The following TRNAU1AP variants were observed in gnomAD, a reference collection of about 807,000 sequenced individuals.
TRNAU1AP encodes the protein tRNA selenocysteine 1-associated protein 1.
In TRNAU1AP, 33 loss-of-function variants were observed where a neutral mutation model predicts 43.3. The ratio of observed to expected loss-of-function variants is 0.76; its 90% CI spans 0.58 to 1.02. The LOEUF (loss-of-function observed/expected upper bound fraction) is 1.02, where lower values mean the gene tolerates loss of function less well. Among genes scored for constraint, TRNAU1AP ranks in the 50% least tolerant of loss-of-function variants. The probability of loss-of-function intolerance (pLI) is 0.00; values close to 1 mark genes in which losing one functional copy is unlikely to be tolerated. For synonymous variants in TRNAU1AP, 143 were observed against 129.1 expected (o/e 1.11, Z -0.73); for missense variants, 290 against 362.7 (o/e 0.80, Z 1.63).
intron 4 of TRNAU1AP, among the ~76,000 whole-genome samples, chr1:28,563,380 T>C (rs1031053880): frequency 2.0e-5 from 3 of 151,750 alleles, no homozygotes; most frequent in Non-Finnish European, 2.9e-5. Context: ...AAACCCCGTC[T>C]CTACTAAAAA....
chr1:28,571,079 T>G, intron 6 of TRNAU1AP, 97 bp from the exon 7 acceptor site: 2 of 1,219,726 alleles, frequency 1.6e-6, no homozygotes, highest in Admixed American at 2.2e-5. Flanking sequence ...AAAAAAAAAG[T>G]TAATCGGTAT....
intron 2 of TRNAU1AP, among the ~76,000 whole-genome samples, chr1:28,560,423 A>C (rs1311128284): frequency 6.6e-6 from 1 of 152,000 alleles, no homozygotes; most frequent in Non-Finnish European, 1.5e-5. Context: ...CTGGGACTAC[A>C]GGTGTGCGCC....
At chr1:28,555,754 G>C (rs1665245236) in intron 2 of TRNAU1AP, among the ~76,000 whole-genome samples, 1 of 151,876 alleles carries the variant, frequency 6.6e-6, no homozygotes, top group Non-Finnish European at 1.5e-5. Context: ...CTGGTAGATC[G>C]TGCCCACCTA....
chr1:28,562,099 G>A (rs990254842), intron 4 of TRNAU1AP, among the ~76,000 whole-genome samples: 25 of 152,290 alleles, frequency 1.6e-4, no homozygotes, highest in African/African-American at 6.0e-4. Flanking sequence ...GAAACCCAAT[G>A]AATTGACCTG....
At chr1:28,553,589 G>C in intron 1 of TRNAU1AP, 51 bp from the exon 2 acceptor site, 1 of 1,571,808 alleles carries the variant, frequency 6.4e-7, no homozygotes, top group Non-Finnish European at 8.7e-7. Context: ...GGAACCCGGA[G>C]TGGGAAGCCC....
intron 8 of TRNAU1AP, among the ~76,000 whole-genome samples, chr1:28,573,642 G>C (rs1290938769): frequency 1.3e-5 from 2 of 152,056 alleles, no homozygotes; most frequent in Non-Finnish European, 2.9e-5. Flanking sequence ...GCGTGGTGTT[G>C]CGCGCCTATA....
intron 6 of TRNAU1AP, among the ~76,000 whole-genome samples, chr1:28,568,379 G>T (rs1456027262): frequency 6.6e-6 from 1 of 152,064 alleles, no homozygotes; most frequent in African/African-American, 2.4e-5. Flanking sequence ...CCAGGCTCGG[G>T]ATCCTCCCAT....
intron 8 of TRNAU1AP, among the ~76,000 whole-genome samples, chr1:28,573,533 GA>G (rs1665709037): frequency 1.3e-5 from 2 of 151,918 alleles, no homozygotes; most frequent in African/African-American, 2.4e-5. Context: ...AGCACTTTGG[GA>G]AGCCACGGCG....
intron 8 of TRNAU1AP, among the ~76,000 whole-genome samples, chr1:28,572,673 G>A (rs1234801571): frequency 1.3e-5 from 2 of 151,644 alleles, no homozygotes; most frequent in African/African-American, 4.8e-5. Context: ...GGTGGCTCAC[G>A]CCTCTAATCC....
intron 8 of TRNAU1AP, among the ~76,000 whole-genome samples, chr1:28,574,947 C>T (rs1046790416): frequency 1.4e-5 from 2 of 148,012 alleles, no homozygotes; most frequent in African/African-American, 4.9e-5. Context: ...CACAGGAGCT[C>T]CATTTCACAG....
At chr1:28,575,342 A>G (rs1341612210) in intron 8 of TRNAU1AP, among the ~76,000 whole-genome samples, 1 of 151,642 alleles carries the variant, frequency 6.6e-6, no homozygotes, top group Non-Finnish European at 1.5e-5. Flanking sequence ...TTTAGTAAAG[A>G]TGGGGTTTCA....
chr1:28,557,652 A>C (rs1383000449), intron 2 of TRNAU1AP, among the ~76,000 whole-genome samples: 1 of 150,936 alleles, frequency 6.6e-6, no homozygotes, highest in Non-Finnish European at 1.5e-5. Flanking sequence ...GCAGTGGCGC[A>C]ATCTTAGCTC....
intron 2 of TRNAU1AP, among the ~76,000 whole-genome samples, chr1:28,557,216 G>C (rs1278962426): frequency 6.6e-6 from 1 of 151,242 alleles, no homozygotes; most frequent in South Asian, 2.1e-4. Flanking sequence ...TCAGGAGATC[G>C]AGACCATCCT....
chr1:28,567,520 G>T (rs1209267927), intron 6 of TRNAU1AP, 107 bp downstream of exon 6: 3 of 1,342,642 alleles, frequency 2.2e-6, no homozygotes, highest in Non-Finnish European at 3.0e-6. Flanking sequence ...GGCTGAAGGG[G>T]ATCCAATTCA....
chr1:28,572,495 C>T (rs964012465), intron 8 of TRNAU1AP, among the ~76,000 whole-genome samples: 23 of 151,540 alleles, frequency 1.5e-4, no homozygotes, highest in Admixed American at 3.3e-4. Flanking sequence ...TGTGCCTGGC[C>T]GATAATACTG....
At chr1:28,573,451 C>T (rs998180533) in intron 8 of TRNAU1AP, among the ~76,000 whole-genome samples, 1 of 151,348 alleles carries the variant, frequency 6.6e-6, no homozygotes, top group Non-Finnish European at 1.5e-5. Flanking sequence ...CCATCTTGGC[C>T]AACATGGTGA....
intron 7 of TRNAU1AP, 135 bp from the exon 8 acceptor site, chr1:28,571,732 G>A (rs567693590): frequency 2.2e-5 from 15 of 670,528 alleles, no homozygotes; most frequent in African/African-American, 2.0e-4. Flanking sequence ...GCAGTGAGCC[G>A]AGATCACGCC....
At chr1:28,566,070 G>A (rs760737831) in intron 5 of TRNAU1AP, among the ~76,000 whole-genome samples, 4 of 151,884 alleles carry the variant, frequency 2.6e-5, no homozygotes, top group South Asian at 2.1e-4. Context: ...TAATCCCAGC[G>A]CTTCGGGAGA....
Position 28,571,118 on chromosome 1 carries a change from T to C in TRNAU1AP, c.531-58T>C, listed in dbSNP as rs557190332. On this transcript the variant is annotated intron_variant, in intron 6 of 8. Coordinates refer to ENST00000373830, the MANE Select transcript of TRNAU1AP (RefSeq NM_017846.5). Reference sequence around the variant, plus strand: ...GCACTTAAAATAGTCTGTGGCCACATAGGCAGTGTTACGGAAATGTTTGCT... The same window carrying C: ...GCACTTAAAATAGTCTGTGGCCACACAGGCAGTGTTACGGAAATGTTTGCT... 4.4e-5 allele frequency: 68 copies of C among 1,534,840 alleles called. No homozygotes were observed. In the East Asian group the frequency reaches 1.4e-3, roughly 32 times the overall value.
Sources: gnomAD v4.1 joint callset for allele counts (sites outside exome capture counted in the v4.1 genomes callset) on GRCh38, gnomAD v4.1.1 for gene constraint, MANE v1.5 for transcripts, NCBI Gene and HGNC (gene_info 2026-07-23, HGNC 2026-07-21) for gene names.